ZNF225: variants seen among roughly 807,000 people sequenced by gnomAD.
ZNF225 encodes zinc finger protein 225.
Under a neutral mutation model 12.0 loss-of-function variants are expected in ZNF225, and 6 were observed. The observed-to-expected ratio is 0.50, with a 90% CI of 0.27 to 0.98. The LOEUF (loss-of-function observed/expected upper bound fraction) is 0.98, where lower values mean the gene tolerates loss of function less well. ZNF225 is among the 50% of genes least tolerant of loss of function. The pLI, the probability that ZNF225 is intolerant of heterozygous loss-of-function variation, is 0.11. For missense variants in ZNF225, 763 were observed against 848.2 expected (o/e 0.90, Z 1.25); for synonymous variants, 271 against 283.2 (o/e 0.96, Z 0.43).
At chr19:44,120,708 T>A (rs1968035102) in intron 4 of ZNF225, among the ~76,000 whole-genome samples, 1 of 152,210 alleles carries the variant, frequency 6.6e-6, no homozygotes, top group Admixed American at 6.5e-5. Flanking sequence ...AGCTTTATGT[T>A]TTTATTTTTA....
chr19:44,129,292 A>C, intron 4 of ZNF225: 1 of 395,966 alleles, frequency 2.5e-6, no homozygotes, highest in Non-Finnish European at 4.4e-6. Flanking sequence ...CTGCATACCA[A>C]TGACAAATTC....
upstream of ZNF225, chr19:44,111,940 ACAAAAACTCCT>A (rs1444176959): frequency 6.6e-6 from 1 of 152,180 alleles, no homozygotes; most frequent in African/African-American, 2.4e-5. Flanking sequence ...ACACGGACAC[ACAAAAACTCCT>A]CAGTTTAGGA....
Position 44,132,356 on chromosome 19 carries a change from C to T in ZNF225, c.1742C>T (p.Ser581Leu), listed in dbSNP as rs1277247037. Reference sequence around the variant, plus strand: ...TGTGGGAAGAGCTTTAGCCGGGCCTCAAGTATTTTGAATCATAAGAGACTC... The same window carrying T: ...TGTGGGAAGAGCTTTAGCCGGGCCTTAAGTATTTTGAATCATAAGAGACTC... ...KECGKSFSRASSILNHKRLHG... is the reference protein window; with the variant it reads ...KECGKSFSRALSILNHKRLHG... The change falls in exon 5 of 5, where the codon TCA (serine) becomes TTA (leucine). Residue 581 changes from serine (S) to leucine (L), a missense_variant. By Grantham distance (145) the Ser-to-Leu change is moderately radical. Transcript: ENST00000262894. 1 of 1,613,980 alleles carries T rather than the reference C, an allele frequency of 6.2e-7. No individual in the cohort carries two copies. The highest frequency in any genetic ancestry group is 8.5e-7 in the Non-Finnish European group (1 of 1,179,990).
chr19:44,112,348 G>A (rs1275017861), upstream of ZNF225: 1 of 152,160 alleles, frequency 6.6e-6, no homozygotes, highest in African/African-American at 2.4e-5. Context: ...TCCTTAGGAA[G>A]GGAAATAATT....
Position 44,132,794 on chromosome 19 carries a change from T to C in ZNF225, c.*59T>C. ...GTTAATGCAAGTATACAATGTGTAA[T>C]GATCAAATCAGTGTAATTAACATAC... is the stretch of plus-strand genomic sequence containing the variant. On this transcript the variant is annotated 3_prime_UTR_variant, in exon 5 of 5. Coordinates refer to ENST00000262894, the MANE Select transcript of ZNF225 (RefSeq NM_013362.4). 7.4e-7 allele frequency: 1 copy of C among 1,356,986 alleles called. No individual in the cohort carries two copies. The highest frequency in any genetic ancestry group is 2.6e-4 in the Middle Eastern group (1 of 3,914). 84.1% of individuals were successfully genotyped at this position (1,356,986 alleles called of 1,614,324 possible).
chr19:44,124,216 T>C (rs1968104275), intron 4 of ZNF225, among the ~76,000 whole-genome samples: 1 of 152,140 alleles, frequency 6.6e-6, no homozygotes, highest in African/African-American at 2.4e-5. Flanking sequence ...GTTGTGTCAT[T>C]ATTGTCTTTC....
In ZNF225 at chr19:44,131,877, G is replaced by T. The variant is rs182943886; in HGVS notation, c.1263G>T (p.Ala421=). The T allele has an allele frequency of 1.2e-6, 2 of 1,613,886 alleles. No homozygotes were observed. The highest frequency in any genetic ancestry group is 2.2e-5 in the South Asian group (2 of 91,082). The change falls in exon 5 of 5, where the codon GCG becomes GCT. Residue 421 remains alanine (A), a synonymous_variant. Transcript: ENST00000262894. Reference sequence around the variant, plus strand: ...CACAACGTTATTCTCACCAGAGAGCGCACAGTGGAGAAAAGCCATATAGAT... The same window carrying T: ...CACAACGTTATTCTCACCAGAGAGCTCACAGTGGAGAAAAGCCATATAGAT... ...TNSQRYSHQR[A]HSGEKPYRCE... is the part of the protein sequence containing the mutation.
At chr19:44,115,905 A>G in intron 2 of ZNF225, 63 bp downstream of exon 2, 2 of 1,565,726 alleles carry the variant, frequency 1.3e-6, no homozygotes, top group Non-Finnish European at 8.7e-7. Context: ...TCTGTCGCCA[A>G]GGCTGGAGTG....
At position 44,118,545 on chromosome 19, in the gene ZNF225, A is replaced by G. The variant is rs563327487; in HGVS notation, c.206A>G (p.Glu69Gly). The G allele has an allele frequency of 2.0e-5, 33 of 1,613,234 alleles. 1 individual carries two copies. In the South Asian group the frequency reaches 3.2e-4, roughly 16 times the overall value. The change falls in exon 4 of 5, where the codon GAG (glutamate) becomes GGG (glycine). Residue 69 changes from glutamate (E) to glycine (G), a missense_variant. Glu to Gly is a moderately conservative substitution (Grantham distance 98). Transcript: ENST00000262894. ...FLKEEKFWMM[E>G]TATQREGNLG... ...AAGGAAGAAAAGTTTTGGATGATGGAGACAGCAACCCAAAGAGAAGGGAAT... is the reference window on the plus strand; with the variant it reads ...AAGGAAGAAAAGTTTTGGATGATGGGGACAGCAACCCAAAGAGAAGGGAAT...
intron 4 of ZNF225, chr19:44,128,498 G>A (rs1268445208): frequency 2.0e-5 from 3 of 152,180 alleles, no homozygotes; most frequent in Non-Finnish European, 4.4e-5. Context: ...ATGTACTAAT[G>A]TGCACCAGTA....
intron 2 of ZNF225, among the ~76,000 whole-genome samples, chr19:44,117,960 A>G (rs1162762541): frequency 1.3e-5 from 2 of 152,222 alleles, no homozygotes; most frequent in Non-Finnish European, 2.9e-5. Context: ...CGGAGGTTGC[A>G]GTGAGCCAAG....
chr19:44,125,274 A>G (rs963618483), intron 4 of ZNF225, among the ~76,000 whole-genome samples: 1 of 152,186 alleles, frequency 6.6e-6, no homozygotes, highest in African/African-American at 2.4e-5. Flanking sequence ...AAAAGACTGT[A>G]TCTTCCATTC....
chr19:44,119,062 C>T (rs924064005), intron 4 of ZNF225, among the ~76,000 whole-genome samples: 6 of 152,076 alleles, frequency 3.9e-5, no homozygotes, highest in Non-Finnish European at 8.8e-5. Context: ...GTGATCCGCC[C>T]GCCTTGGCCT....
chr19:44,114,176 A>T, intron 1 of ZNF225: 1 of 1,019,994 alleles, frequency 9.8e-7, no homozygotes, highest in Non-Finnish European at 1.5e-6. Flanking sequence ...AAAGAGCTGC[A>T]GGGAGGGACT....
chr19:44,116,622 A>C (rs1401095781), intron 2 of ZNF225, among the ~76,000 whole-genome samples: 1 of 152,242 alleles, frequency 6.6e-6, no homozygotes, highest in African/African-American at 2.4e-5. Flanking sequence ...AGAATAGAAA[A>C]AGAAAATCCA....
At chr19:44,116,269 G>A (rs146502650) in intron 2 of ZNF225, among the ~76,000 whole-genome samples, 26 of 152,196 alleles carry the variant, frequency 1.7e-4, no homozygotes, top group African/African-American at 5.3e-4. Flanking sequence ...AGCTCTTCCC[G>A]TGTGAACACC....
At chr19:44,111,461 C>G (rs1299286986), upstream of ZNF225, among the ~76,000 whole-genome samples, 1 of 152,156 alleles carries the variant, frequency 6.6e-6, no homozygotes, top group Non-Finnish European at 1.5e-5. Flanking sequence ...AAAAAACAAC[C>G]AAAACTGAAA....
intron 4 of ZNF225, among the ~76,000 whole-genome samples, chr19:44,126,963 A>G (rs974812322): frequency 2.0e-5 from 3 of 151,906 alleles, no homozygotes; most frequent in Non-Finnish European, 2.9e-5. Flanking sequence ...CCAGGCTACC[A>G]CCTCTCAGCT....
At chr19:44,120,901 CT>C (rs1968039969) in intron 4 of ZNF225, among the ~76,000 whole-genome samples, 1 of 59,830 alleles carries the variant, frequency 1.7e-5, no homozygotes, top group South Asian at 4.9e-4. Context: ...GTCCATTTCT[CT>C]CTTTTTTTTT....
Sources: gnomAD v4.1 joint callset for allele counts (sites outside exome capture counted in the v4.1 genomes callset) on GRCh38, gnomAD v4.1.1 for gene constraint, MANE v1.5 for transcripts, NCBI Gene and HGNC (gene_info 2026-07-23, HGNC 2026-07-21) for gene names.